Variants in SLC25A21 observed in about 807,000 individuals in gnomAD.
The protein encoded by SLC25A21 is mitochondrial 2-oxodicarboxylate carrier.
Under a neutral mutation model 43.8 loss-of-function variants are expected in SLC25A21, and 47 were observed. The ratio of observed to expected loss-of-function variants is 1.07; its 90% CI spans 0.85 to 1.37. SLC25A21 has a LOEUF of 1.37. Ranked by LOEUF, SLC25A21 falls within the 40% of genes most tolerant of loss-of-function variation. The pLI is 0.00. For synonymous variants in SLC25A21, 131 were observed against 121.3 expected, an observed-to-expected ratio of 1.08 and a Z score of -0.52; for missense variants, 352 against 350.2, an observed-to-expected ratio of 1.00 and a Z score of -0.04.
chr14:36,827,956 G>A (rs1888894989), intron 2 of SLC25A21, among the ~76,000 whole-genome samples: 1 of 152,182 alleles, frequency 6.6e-6, no homozygotes, highest in Non-Finnish European at 1.5e-5. Flanking sequence ...AAAGACACAA[G>A]ACAACTTTTT....
chr14:37,012,773 C>T (rs1043601964), intron 1 of SLC25A21, among the ~76,000 whole-genome samples: 8 of 152,202 alleles, frequency 5.3e-5, no homozygotes, highest in African/African-American at 1.9e-4. Context: ...ACTTAGGACA[C>T]TCAGTGTAGA....
intron 1 of SLC25A21, among the ~76,000 whole-genome samples, chr14:36,992,689 AG>A (rs1457164517): frequency 3.9e-5 from 6 of 151,960 alleles, no homozygotes; most frequent in Non-Finnish European, 7.4e-5. Flanking sequence ...TTTTTTTTCC[AG>A]GAACTTGTTT....
intron 1 of SLC25A21, among the ~76,000 whole-genome samples, chr14:37,007,551 C>A (rs1021810863): frequency 6.7e-6 from 1 of 148,886 alleles, no homozygotes; most frequent in Non-Finnish European, 1.5e-5. Flanking sequence ...TGCAGTGAGC[C>A]GAGATCACGC....
At chr14:36,756,886 C>A (rs1885952824) in intron 3 of SLC25A21, among the ~76,000 whole-genome samples, 1 of 152,030 alleles carries the variant, frequency 6.6e-6, no homozygotes, top group South Asian at 2.1e-4. Flanking sequence ...ACACTATTTC[C>A]CAAACATTCT....
chr14:37,017,244 C>T (rs1297444049), intron 1 of SLC25A21, among the ~76,000 whole-genome samples: 1 of 152,000 alleles, frequency 6.6e-6, no homozygotes, highest in East Asian at 1.9e-4. Context: ...TCTGACTCTT[C>T]CTTTCACTTG....
At chr14:37,010,465 T>C (rs1276718461) in intron 1 of SLC25A21, among the ~76,000 whole-genome samples, 1 of 152,140 alleles carries the variant, frequency 6.6e-6, no homozygotes, top group Non-Finnish European at 1.5e-5. Context: ...ATGCAAACAA[T>C]TACACTCCTG....
intron 1 of SLC25A21, among the ~76,000 whole-genome samples, chr14:36,978,336 T>C (rs1418880044): frequency 6.6e-6 from 1 of 152,200 alleles, no homozygotes; most frequent in Non-Finnish European, 1.5e-5. Flanking sequence ...AAAAGTTATG[T>C]TTACACTATA....
intron 1 of SLC25A21, among the ~76,000 whole-genome samples, chr14:36,948,653 C>T (rs1003230194): frequency 6.6e-6 from 1 of 152,066 alleles, no homozygotes; most frequent in Non-Finnish European, 1.5e-5. Context: ...TAAAGTTATG[C>T]TGCCAAATAT....
At chr14:36,854,702 G>A (rs1889846262) in intron 2 of SLC25A21, among the ~76,000 whole-genome samples, 2 of 151,834 alleles carry the variant, frequency 1.3e-5, no homozygotes, top group Admixed American at 6.6e-5. Flanking sequence ...TAGATAGAAT[G>A]AAAGTGTGTT....
chr14:37,129,714 AT>A (rs1181245415), intron 1 of SLC25A21, among the ~76,000 whole-genome samples: 4 of 151,748 alleles, frequency 2.6e-5, no homozygotes, highest in Non-Finnish European at 5.9e-5. Context: ...CAGACAATCA[AT>A]ATTCCATTGG....
chr14:37,151,530 A>G (rs975729317), intron 1 of SLC25A21, among the ~76,000 whole-genome samples: 7 of 152,338 alleles, frequency 4.6e-5, no homozygotes, highest in Middle Eastern at 3.4e-3. Flanking sequence ...AGTTCAAGAA[A>G]AAGCTGTGGT....
rs1213080543 is a variant in SLC25A21 at position 37,172,595 on chromosome 14, T to C, written c.-245A>G. On this transcript the variant is annotated 5_prime_UTR_variant, in exon 1 of 10. Transcript: ENST00000331299. The stretch of plus-strand genomic sequence containing the variant: ...AGGCGCCCTCGGCTCCGAAAATGTC[T>C]CTGGAAAGAAGACCCGCGGATGGGT... 4.3e-6 allele frequency: 3 copies of C among 690,118 alleles called. No homozygotes were observed. The highest frequency in any genetic ancestry group is 2.0e-5 in the Admixed American group (1 of 49,606). The allele number at this position is 690,118 out of a possible 1,614,324, so 42.7% of individuals were successfully genotyped here. A position where few individuals can be genotyped will look rare whatever the true frequency, so the allele number is the denominator to read the frequency against.
chr14:36,884,796 A>C (rs1890866350), intron 1 of SLC25A21, among the ~76,000 whole-genome samples: 1 of 152,046 alleles, frequency 6.6e-6, no homozygotes, highest in Non-Finnish European at 1.5e-5. Flanking sequence ...ATATCTCTTC[A>C]AGTCCCTTGC....
At chr14:37,048,416 T>C (rs952022038) in intron 1 of SLC25A21, among the ~76,000 whole-genome samples, 3 of 151,818 alleles carry the variant, frequency 2.0e-5, no homozygotes, top group African/African-American at 7.3e-5. Flanking sequence ...TAAGGAAAGC[T>C]ATGAGACTGG....
chr14:36,764,147 A>ACAAG (rs1886295684), intron 3 of SLC25A21, among the ~76,000 whole-genome samples: 1 of 57,512 alleles, frequency 1.7e-5, no homozygotes, highest in African/African-American at 9.0e-5. Context: ...AAAGAAGGAA[A>ACAAG]GAAAGAAAGA....
At chr14:36,951,929 A>G (rs1354260889) in intron 1 of SLC25A21, among the ~76,000 whole-genome samples, 1 of 152,166 alleles carries the variant, frequency 6.6e-6, no homozygotes, top group Non-Finnish European at 1.5e-5. Flanking sequence ...AGCAGAGTAA[A>G]CTTGGGCCAA....
At chr14:37,146,281 G>A (rs1963662969) in intron 1 of SLC25A21, among the ~76,000 whole-genome samples, 2 of 152,088 alleles carry the variant, frequency 1.3e-5, no homozygotes, top group African/African-American at 4.8e-5. Flanking sequence ...TTTCTTTTGT[G>A]TGTGTGTGAC....
intron 2 of SLC25A21, among the ~76,000 whole-genome samples, chr14:36,846,996 G>A (rs1889565162): frequency 6.6e-6 from 1 of 152,184 alleles, no homozygotes; most frequent in Admixed American, 6.5e-5. Flanking sequence ...GAAAAGAAGC[G>A]TGGCCTACTT....
chr14:36,944,077 C>G (rs1892628108), intron 1 of SLC25A21, among the ~76,000 whole-genome samples: 1 of 152,122 alleles, frequency 6.6e-6, no homozygotes, highest in Admixed American at 6.5e-5. Context: ...AAATTCTGCT[C>G]TAATCCTTCT....
Sources: gnomAD v4.1 joint callset for allele counts (sites outside exome capture counted in the v4.1 genomes callset) on GRCh38, gnomAD v4.1.1 for gene constraint, MANE v1.5 for transcripts, NCBI Gene and HGNC (gene_info 2026-07-23, HGNC 2026-07-21) for gene names.